RIMBP2: variants seen among roughly 807,000 people sequenced by gnomAD.
RIMBP2 encodes RIMS-binding protein 2.
A neutral mutation model predicts 118.6 loss-of-function variants in RIMBP2; 48 were observed. The ratio of observed to expected loss-of-function variants is 0.40; its 90% CI spans 0.32 to 0.51. The LOEUF (loss-of-function observed/expected upper bound fraction) is 0.51. RIMBP2 is among the 20% of genes least tolerant of loss of function. The pLI is 0.41. For synonymous variants in RIMBP2, 762 were observed against 742.9 expected (o/e 1.03, Z -0.42); for missense variants, 1,551 against 1,768.3 (o/e 0.88, Z 2.20).
At chr12:130,416,719 A>G (rs925839682) in intron 17 of RIMBP2, among the ~76,000 whole-genome samples, 1 of 152,178 alleles carries the variant, frequency 6.6e-6, no homozygotes, top group African/African-American at 2.4e-5. Context: ...AAAAATTAAC[A>G]TGCATGACCT....
chr12:130,409,562 T>C (rs1021323308), intron 19 of RIMBP2, among the ~76,000 whole-genome samples: 1 of 151,960 alleles, frequency 6.6e-6, no homozygotes, highest in Non-Finnish European at 1.5e-5. Flanking sequence ...GCCAGGATGT[T>C]TCAATCTCCT....
intron 11 of RIMBP2, among the ~76,000 whole-genome samples, chr12:130,441,446 TA>T (rs1465081602): frequency 5.7e-5 from 8 of 139,612 alleles, no homozygotes; most frequent in African/African-American, 1.8e-4. Context: ...ATAATAATAA[TA>T]ATTTACAAGG....
At chr12:130,600,301 C>G (rs1289566587) in intron 2 of RIMBP2, among the ~76,000 whole-genome samples, 1 of 152,196 alleles carries the variant, frequency 6.6e-6, no homozygotes, top group Non-Finnish European at 1.5e-5. Context: ...GTCAGCATGA[C>G]CATACAACAC....
intron 2 of RIMBP2, among the ~76,000 whole-genome samples, chr12:130,539,622 C>G (rs112696336): frequency 6.9e-3 from 996 of 143,608 alleles, no homozygotes; most frequent in African/African-American, 0.025. Flanking sequence ...ATGAGGTGGC[C>G]AGGTGTAGGA....
At position 130,511,845 on chromosome 12, in the gene RIMBP2, C is replaced by T. The variant is rs1195569456; in HGVS notation, c.-126-5075G>A. ...TCGGTGTCAAGGAAGCCACCCTCCA[C>T]ACACGTCTCTGCTGGACAGGAGCCC... On this transcript the variant is annotated intron_variant, in intron 3 of 22. Transcript: ENST00000690449. This position sits in a 1 kb window ranked among gnomAD's most constrained non-coding sequence, Gnocchi z 4.3. Among the ~76,000 whole-genome samples the T allele has an allele frequency of 6.6e-6, 1 of 152,094 alleles. No homozygotes were observed. The highest frequency in any genetic ancestry group is 6.5e-5 in the Admixed American group (1 of 15,276).
chr12:130,604,872 G>A (rs11615071), intron 2 of RIMBP2, among the ~76,000 whole-genome samples: 67,165 of 149,552 alleles, frequency 0.45, 15,580 homozygotes, highest in Admixed American at 0.55. Context: ...GTGAGCCACC[G>A]CGCCCGGCCT....
chr12:130,564,612 T>G (rs61934608), intron 2 of RIMBP2, among the ~76,000 whole-genome samples: 13,467 of 152,262 alleles, frequency 0.088, 717 homozygotes, highest in Non-Finnish European at 0.12. Flanking sequence ...ACAGCGTGGA[T>G]AGACCTCAAA....
intron 1 of RIMBP2, among the ~76,000 whole-genome samples, chr12:130,656,473 G>A (rs1221859191): frequency 6.6e-6 from 1 of 152,162 alleles, no homozygotes; most frequent in African/African-American, 2.4e-5. Context: ...CAAACCAAGT[G>A]TCTTAAACAA....
intron 1 of RIMBP2, among the ~76,000 whole-genome samples, chr12:130,680,125 A>G (rs1037191090): frequency 2.0e-5 from 3 of 152,388 alleles, no homozygotes; most frequent in Non-Finnish European, 4.4e-5. Flanking sequence ...CTTTGTATGG[A>G]AACAGGAGCT....
At chr12:130,427,262 C>T (rs1873572494) in intron 15 of RIMBP2, 1 of 152,198 alleles carries the variant, frequency 6.6e-6, no homozygotes, top group South Asian at 2.1e-4. Context: ...GATTTCCTCT[C>T]CAAGGCCTTT....
intron 13 of RIMBP2, 129 bp from the exon 14 acceptor site, chr12:130,435,009 C>T (rs2077409415): frequency 2.1e-6 from 2 of 939,336 alleles, no homozygotes; most frequent in Non-Finnish European, 1.5e-6. Flanking sequence ...TGCTTTGGGC[C>T]CAGCTCTGCC....
At chr12:130,641,162 C>G (rs184802097) in intron 1 of RIMBP2, among the ~76,000 whole-genome samples, 2 of 152,130 alleles carry the variant, frequency 1.3e-5, no homozygotes, top group Non-Finnish European at 2.9e-5. Context: ...GTCATAATTA[C>G]GAGATCACAG....
chr12:130,572,524 T>C (rs932416010), intron 2 of RIMBP2, among the ~76,000 whole-genome samples: 1 of 152,080 alleles, frequency 6.6e-6, no homozygotes, highest in Non-Finnish European at 1.5e-5. Flanking sequence ...CCCTTTCCCC[T>C]GTGTGCAGGT....
intron 7 of RIMBP2, among the ~76,000 whole-genome samples, chr12:130,451,821 T>C (rs1316044756): frequency 6.6e-6 from 1 of 152,214 alleles, no homozygotes. Context: ...GTCCTGGCTC[T>C]TCATCTACTC....
rs1195012675 is a variant in RIMBP2, at chr12:130,576,355, G to A, written c.-217+51967C>T. On this transcript the variant is annotated intron_variant, in intron 2 of 22. Coordinates refer to ENST00000690449, the MANE Select transcript of RIMBP2 (RefSeq NM_001393629.1). The surrounding 1 kb of genome is among the most constrained non-coding windows in gnomAD (Gnocchi z 4.2). ...AATGGCCCTGCATGCTTTGAGAATC[G>A]CTGTGAGCTGTGCTTCTAGATCCTC... 6.6e-6 allele frequency among the ~76,000 whole-genome samples: 1 copy of A among 152,014 alleles called. No individual in the cohort carries two copies. Among genetic ancestry groups the A allele is most frequent in the Non-Finnish European group, 1.5e-5 (1 of 67,998 alleles).
chr12:130,703,057 T>C lies in RIMBP2; in HGVS notation c.-352+13165A>G, dbSNP rs1295085988. Among the ~76,000 whole-genome samples the C allele has an allele frequency of 6.6e-6, 1 of 152,078 alleles. No homozygotes were observed. The highest frequency in any genetic ancestry group is 1.5e-5 in the Non-Finnish European group (1 of 68,016). On this transcript the variant is annotated intron_variant, in intron 1 of 22. Coordinates refer to ENST00000690449, the MANE Select transcript of RIMBP2 (RefSeq NM_001393629.1). The surrounding 1 kb of genome is among the most constrained non-coding windows in gnomAD (Gnocchi z 5.7). ...GCTGCTACTCAGATGCCCGGAGAAGTTCATTAGAACAGGATTTTCCTGTAA... is the reference window on the plus strand; with the variant it reads ...GCTGCTACTCAGATGCCCGGAGAAGCTCATTAGAACAGGATTTTCCTGTAA...
Position 130,622,270 on chromosome 12 carries a change from G to C in RIMBP2, c.-217+6052C>G, listed in dbSNP as rs747483181. Among the ~76,000 whole-genome samples, 6 of 152,082 alleles carry C rather than the reference G, an allele frequency of 3.9e-5. No individual in the cohort carries two copies. The highest frequency in any genetic ancestry group is 2.1e-4 in the South Asian group (1 of 4,822). Reference sequence around the variant, plus strand: ...CCACAAGGCTGCATAGGAGGTTCCGGGGAACAGAGTCCCCAAACATCACAA... The same window carrying C: ...CCACAAGGCTGCATAGGAGGTTCCGCGGAACAGAGTCCCCAAACATCACAA... On this transcript the variant is annotated intron_variant, in intron 2 of 22. Coordinates refer to ENST00000690449, the MANE Select transcript of RIMBP2 (RefSeq NM_001393629.1). The surrounding 1 kb of genome is among the most constrained non-coding windows in gnomAD (Gnocchi z 8.5).
chr12:130,591,057 T>C (rs568741809), intron 2 of RIMBP2, among the ~76,000 whole-genome samples: 1 of 152,340 alleles, frequency 6.6e-6, no homozygotes, highest in East Asian at 1.9e-4. Context: ...CTCCAGGTCA[T>C]ATCCATAGGG....
chr12:130,695,394 A>G (rs969529104), intron 1 of RIMBP2, among the ~76,000 whole-genome samples: 2 of 152,216 alleles, frequency 1.3e-5, no homozygotes, highest in South Asian at 4.1e-4. Context: ...CTACGTTGAC[A>G]GGATGGAAAG....
Sources: allele counts gnomAD v4.1 joint callset (sites outside exome capture counted in the v4.1 genomes callset), GRCh38; gene constraint gnomAD v4.1.1; non-coding constraint Gnocchi (gnomAD v3.1); transcripts MANE v1.5; gene names NCBI Gene and HGNC (gene_info 2026-07-23, HGNC 2026-07-21).